NOX4: variants seen among roughly 807,000 people sequenced by gnomAD.
The protein encoded by NOX4 is NADPH oxidase 4.
A neutral mutation model predicts 87.6 loss-of-function variants in NOX4; 69 were observed. The observed-to-expected ratio is 0.79, with a 90% confidence interval of 0.65 to 0.96. NOX4 has a LOEUF of 0.96. Ranked by LOEUF, NOX4 falls within the 40% of genes least tolerant of loss-of-function variation. The pLI is 0.00. For missense variants in NOX4, 680 were observed against 681.5 expected (o/e 1.00, Z 0.02); for synonymous variants, 275 against 238.2 (o/e 1.15, Z -1.42).
At chr11:89,589,451 C>T in the NOX4 span, 22 of 152,312 alleles carry the variant, frequency 1.4e-4, no homozygotes, top group Middle Eastern at 3.4e-3. Context: ...TTTTTAAGCA[C>T]TTGAATGCCA....
intron 12 of NOX4, among the ~76,000 whole-genome samples, chr11:89,365,699 G>C (rs1938910101): frequency 8.1e-6 from 1 of 122,742 alleles, no homozygotes. Context: ...ATATATCTTA[G>C]ATGTGTATTC....
chr11:89,428,039 G>C (rs1943545707), intron 7 of NOX4, among the ~76,000 whole-genome samples: 3 of 152,150 alleles, frequency 2.0e-5, no homozygotes, highest in African/African-American at 2.4e-5. Flanking sequence ...AACTCTACAA[G>C]CCAGAAGAGA....
At chr11:89,536,081 G>C in the NOX4 span, among the ~76,000 whole-genome samples, 2 of 145,028 alleles carry the variant, frequency 1.4e-5, no homozygotes, top group Admixed American at 6.9e-5. Context: ...GTAGATCCCT[G>C]TCACCTATTC....
At chr11:89,475,257 T>C (rs1310649192) in intron 2 of NOX4, among the ~76,000 whole-genome samples, 1 of 152,002 alleles carries the variant, frequency 6.6e-6, no homozygotes, top group East Asian at 1.9e-4. Flanking sequence ...ATATATAACA[T>C]TTTTTAATTT....
At chr11:89,494,145 T>C (rs191202633), upstream of NOX4, among the ~76,000 whole-genome samples, 137 of 152,302 alleles carry the variant, frequency 9.0e-4, 1 homozygote, top group Middle Eastern at 3.4e-3. Context: ...TGTAGCTACA[T>C]CAGTATTTTA....
chr11:89,368,767 T>G (rs1381652575), intron 12 of NOX4, among the ~76,000 whole-genome samples: 1 of 152,044 alleles, frequency 6.6e-6, no homozygotes, highest in Non-Finnish European at 1.5e-5. Context: ...ATAACTACTA[T>G]CACTGTGAGT....
chr11:89,345,431 AG>A (rs200920087), intron 13 of NOX4, among the ~76,000 whole-genome samples: 11,147 of 152,250 alleles, frequency 0.073, 610 homozygotes, highest in Admixed American at 0.14. Flanking sequence ...TTCCTGTACC[AG>A]TAGTATTTGG....
the NOX4 span, among the ~76,000 whole-genome samples, chr11:89,543,557 G>A: frequency 1.3e-5 from 2 of 152,090 alleles, no homozygotes; most frequent in Non-Finnish European, 2.9e-5. Flanking sequence ...TTAAAGGAGG[G>A]TGTGAGGAGG....
the NOX4 span, among the ~76,000 whole-genome samples, chr11:89,541,206 T>A: frequency 6.6e-6 from 1 of 152,188 alleles, no homozygotes; most frequent in East Asian, 1.9e-4. Flanking sequence ...GAAGAAGCAG[T>A]TAAAACTTTT....
the NOX4 span, among the ~76,000 whole-genome samples, chr11:89,538,372 C>G: frequency 2.0e-4 from 30 of 152,286 alleles, no homozygotes; most frequent in African/African-American, 6.7e-4. Context: ...TTTTAAAAAT[C>G]AAATTTCTGA....
At chr11:89,520,134 G>A in the NOX4 span, among the ~76,000 whole-genome samples, 15 of 151,874 alleles carry the variant, frequency 9.9e-5, no homozygotes, top group African/African-American at 2.4e-4. Context: ...TGGGGAAGGC[G>A]TAGCTCCCCA....
At chr11:89,524,677 A>T in the NOX4 span, among the ~76,000 whole-genome samples, 2 of 151,874 alleles carry the variant, frequency 1.3e-5, no homozygotes, top group African/African-American at 4.8e-5. Context: ...TTCTTTTTTA[A>T]AAAAAAAGTA....
the NOX4 span, among the ~76,000 whole-genome samples, chr11:89,522,148 C>A: frequency 6.6e-6 from 1 of 152,156 alleles, no homozygotes; most frequent in Non-Finnish European, 1.5e-5. Context: ...ACAGAACTAC[C>A]ATTTGACCCA....
At chr11:89,439,164 C>G (rs1944349611) in intron 6 of NOX4, among the ~76,000 whole-genome samples, 1 of 148,504 alleles carries the variant, frequency 6.7e-6, no homozygotes, top group South Asian at 2.1e-4. Flanking sequence ...TTAAAGGTTC[C>G]AAGGCTTCAA....
chr11:89,426,722 T>A (rs539369679), intron 7 of NOX4, among the ~76,000 whole-genome samples: 1 of 152,100 alleles, frequency 6.6e-6, no homozygotes, highest in Non-Finnish European at 1.5e-5. Context: ...CAAAGTGGCC[T>A]GGATGCTCAA....
chr11:89,551,602 C>G, the NOX4 span, among the ~76,000 whole-genome samples: 2 of 150,282 alleles, frequency 1.3e-5, no homozygotes, highest in Non-Finnish European at 3.0e-5. Flanking sequence ...GGCTCTCTAT[C>G]ATTGGTGTAT....
intron 4 of NOX4, among the ~76,000 whole-genome samples, 199 bp downstream of exon 4, chr11:89,449,241 C>T (rs887230341): frequency 4.6e-5 from 7 of 152,102 alleles, no homozygotes; most frequent in South Asian, 4.1e-4. Flanking sequence ...ACAAACCACA[C>T]GACAATCTTA....
At chr11:89,511,007 T>G in the NOX4 span, among the ~76,000 whole-genome samples, 3,138 of 152,158 alleles carry the variant, frequency 0.021, 100 homozygotes, top group African/African-American at 0.067. Flanking sequence ...TCTGAAATAT[T>G]TGTAATTGCA....
At chr11:89,417,610 A>G (rs1460229216) in intron 8 of NOX4, among the ~76,000 whole-genome samples, 1 of 152,124 alleles carries the variant, frequency 6.6e-6, no homozygotes, top group Non-Finnish European at 1.5e-5. Flanking sequence ...AGTTTTCACT[A>G]TGTTCATCAA....
Sources: gnomAD v4.1 joint callset for allele counts (sites outside exome capture counted in the v4.1 genomes callset) on GRCh38, gnomAD v4.1.1 for gene constraint, MANE v1.5 for transcripts, NCBI Gene and HGNC (gene_info 2026-07-23, HGNC 2026-07-21) for gene names.